The following COL6A5 variants were observed in gnomAD, a reference collection of about 807,000 sequenced individuals.
COL6A5 encodes the protein collagen alpha-5(VI) chain.
A neutral mutation model predicts 65.6 loss-of-function variants in COL6A5; 48 were observed. That is an observed-to-expected ratio of 0.73 (90% confidence interval 0.58 to 0.93). The LOEUF (loss-of-function observed/expected upper bound fraction) is 0.93. Among genes scored for constraint, COL6A5 ranks in the 40% least tolerant of loss-of-function variants. COL6A5 has a pLI of 0.00. For synonymous variants in COL6A5, 291 were observed against 322.8 expected, an observed-to-expected ratio of 0.90 and a Z score of 1.05; for missense variants, 914 against 928.3, an observed-to-expected ratio of 0.98 and a Z score of 0.20.
rs1404980629 is a variant in COL6A5, at chr3:130,408,269, TG to T, written c.4480-1052del. Among the ~76,000 whole-genome samples the T allele has an allele frequency of 6.2e-3, 840 of 135,308 alleles. 15 individuals are homozygous for T. The highest frequency in any genetic ancestry group is 0.024 in the African/African-American group (800 of 32,934). 88.8% of individuals were successfully genotyped at this position (135,308 alleles called of 152,430 possible). A position where few individuals can be genotyped will look rare whatever the true frequency, so the allele number is the denominator to read the frequency against. ...TGGGAAAACGAATGCATTCCCGGTGTGGGGGTGGTGGCAGGGGGTGGGGGCG... is the reference window on the plus strand; with the variant it reads ...TGGGAAAACGAATGCATTCCCGGTGTGGGGTGGTGGCAGGGGGTGGGGGCG... On this transcript the variant is annotated intron_variant and NMD_transcript_variant, in intron 17 of 41. Coordinates refer to the COL6A5 transcript ENST00000312481.
rs377545963 is a variant in COL6A5, at chr3:130,446,797, C to T, written c.1332+3231C>T. Among the ~76,000 whole-genome samples, 5 of 151,708 alleles carry T rather than the reference C, an allele frequency of 3.3e-5. No homozygotes were observed. In the East Asian group the frequency reaches 9.7e-4, roughly 29 times the overall value. ...CCACGTTATAATTGTTCCAGGTTCC[C>T]AGGTATTGGTTTGGGAGTTTTTCCA... On this transcript the variant is annotated intron_variant, in intron 4 of 7. Transcript: ENST00000512836.
At chr3:130,448,364 A>G (rs979514369) in intron 4 of COL6A5, among the ~76,000 whole-genome samples, 1 of 152,178 alleles carries the variant, frequency 6.6e-6, no homozygotes, top group African/African-American at 2.4e-5. Flanking sequence ...GGAGGTCGGA[A>G]TCTCCCAGCA....
At chr3:130,405,814 T>C (rs115203118) in intron 14 of COL6A5, among the ~76,000 whole-genome samples, 155 bp downstream of exon 14, 74 of 152,332 alleles carry the variant, frequency 4.9e-4, no homozygotes, top group African/African-American at 1.7e-3. Context: ...TGCAGACTAA[T>C]TCTGCTTTTT....
intron 5 of COL6A5, among the ~76,000 whole-genome samples, chr3:130,465,166 G>A (rs941064760): frequency 2.0e-5 from 3 of 152,076 alleles, no homozygotes; most frequent in African/African-American, 7.2e-5. Flanking sequence ...TACAAGAAGA[G>A]GGCATTGAGG....
At chr3:130,363,244 A>T (rs1421487269) in intron 1 of COL6A5, among the ~76,000 whole-genome samples, 1 of 152,220 alleles carries the variant, frequency 6.6e-6, no homozygotes, top group Non-Finnish European at 1.5e-5. Flanking sequence ...AAATATCACT[A>T]TACTGCTTCA....
chr3:130,376,247 T>C (rs758018910), exon 3 of COL6A5: 1 of 1,600,580 alleles, frequency 6.2e-7, no homozygotes, highest in African/African-American at 1.3e-5. Context: ...GGCCAGGCCC[T>C]GTGTATGCAG....
intron 28 of COL6A5, among the ~76,000 whole-genome samples, chr3:130,423,092 C>T (rs895833717): frequency 1.3e-5 from 2 of 151,944 alleles, no homozygotes; most frequent in African/African-American, 4.8e-5. Context: ...TTCTAAGGCG[C>T]GTATTAAATC....
At chr3:130,376,769 A>C in exon 3 of COL6A5, 2 of 1,613,684 alleles carry the variant, frequency 1.2e-6, no homozygotes, top group Non-Finnish European at 8.5e-7. Flanking sequence ...CATTTTCCCA[A>C]AACATGACAC....
chr3:130,471,584 TA>T, intron 7 of COL6A5, 97 bp from the exon 40 acceptor site: 1 of 1,137,544 alleles, frequency 8.8e-7, no homozygotes, highest in Non-Finnish European at 1.2e-6. Context: ...ATCACATACA[TA>T]AAATGGATTC....
intron 8 of COL6A5, among the ~76,000 whole-genome samples, chr3:130,396,271 C>T (rs529247163): frequency 7.9e-5 from 12 of 152,288 alleles, no homozygotes; most frequent in African/African-American, 2.2e-4. Context: ...AGAGTTCTTA[C>T]GTTTCTAGAG....
At chr3:130,440,118 T>C in intron 2 of COL6A5, 48 bp from the exon 35 acceptor site, 1 of 1,471,118 alleles carries the variant, frequency 6.8e-7, no homozygotes, top group Non-Finnish European at 9.2e-7. Context: ...ACAAGTGTCT[T>C]GTTGGGTCAG....
chr3:130,433,578 C>A (rs1178983647), intron 1 of COL6A5, among the ~76,000 whole-genome samples: 3 of 152,234 alleles, frequency 2.0e-5, no homozygotes, highest in African/African-American at 7.2e-5. Context: ...CTCTTCTCCA[C>A]TCAGGACATC....
intron 1 of COL6A5, among the ~76,000 whole-genome samples, chr3:130,355,928 T>G (rs1934909083): frequency 1.3e-5 from 2 of 152,142 alleles, no homozygotes; most frequent in Non-Finnish European, 2.9e-5. Context: ...ATAAGTTGCT[T>G]ATAAAAGACA....
exon 4 of COL6A5, chr3:130,379,921 C>G (rs1369550472): frequency 6.4e-7 from 1 of 1,551,334 alleles, no homozygotes; most frequent in Non-Finnish European, 8.7e-7. Flanking sequence ...TCCTCCAGAA[C>G]AGACAATTTC....
chr3:130,406,169 G>A, exon 16 of COL6A5: 1 of 1,550,524 alleles, frequency 6.4e-7, no homozygotes, highest in Non-Finnish European at 8.7e-7. Flanking sequence ...GACTTGATGG[G>A]GAAGAGGTAA....
intron 3 of COL6A5, among the ~76,000 whole-genome samples, chr3:130,378,694 C>T (rs1935875102): frequency 6.6e-6 from 1 of 152,132 alleles, no homozygotes; most frequent in African/African-American, 2.4e-5. Flanking sequence ...GTTCTATCTG[C>T]CGGAATTCCT....
At chr3:130,455,732 T>A in intron 5 of COL6A5, 66 bp downstream of exon 37, 2 of 1,281,124 alleles carry the variant, frequency 1.6e-6, no homozygotes, top group Non-Finnish European at 2.2e-6. Flanking sequence ...TTAACACTAG[T>A]AGAAAATCAA....
chr3:130,406,033 T>C lies in COL6A5; in HGVS notation c.4380+14T>C. 6.4e-7 allele frequency: 1 copy of C among 1,551,402 alleles called. No individual in the cohort carries two copies. The highest frequency in any genetic ancestry group is 8.7e-7 in the Non-Finnish European group (1 of 1,146,744). ...TCTGGACCTAAGGTACTGGAGTTTT[T>C]TCTTAGTTTAATTTGATTTCCAAAT... On this transcript the variant is annotated intron_variant and NMD_transcript_variant, in intron 15 of 41. Transcript: ENST00000312481.
intron 8 of COL6A5, among the ~76,000 whole-genome samples, chr3:130,396,397 G>A (rs1057285590): frequency 6.6e-6 from 1 of 152,208 alleles, no homozygotes; most frequent in Non-Finnish European, 1.5e-5. Flanking sequence ...GGTGGAAAGA[G>A]CCCAGGGCCT....
Sources: gnomAD v4.1 joint callset for allele counts (sites outside exome capture counted in the v4.1 genomes callset) on GRCh38, gnomAD v4.1.1 for gene constraint, MANE v1.5 for transcripts, NCBI Gene and HGNC (gene_info 2026-07-23, HGNC 2026-07-21) for gene names.